Variants in CPNE8 observed in about 807,000 individuals in gnomAD.
The protein encoded by CPNE8 is copine 8, also known as copine-8.
CPNE8 carries 45 observed loss-of-function variants against 81.5 expected under a neutral mutation model. The ratio of observed to expected loss-of-function variants is 0.55; its 90% CI spans 0.44 to 0.71. CPNE8 has a LOEUF of 0.71. Ranked by LOEUF, CPNE8 falls within the 30% of genes least tolerant of loss-of-function variation. The pLI, the probability that CPNE8 is intolerant of heterozygous loss-of-function variation, is 0.00. For synonymous variants in CPNE8, 252 were observed against 226.3 expected (o/e 1.11, Z -1.02); for missense variants, 594 against 672.1 (o/e 0.88, Z 1.28).
chr12:38,736,384 A>C (rs961323356), intron 10 of CPNE8, among the ~76,000 whole-genome samples: 3 of 151,846 alleles, frequency 2.0e-5, no homozygotes, highest in African/African-American at 7.2e-5. Context: ...ACATTTTCTA[A>C]GATGAAGATA....
intron 1 of CPNE8, 23 bp from the exon 2 acceptor site, chr12:38,874,534 T>C (rs1366588809): frequency 6.3e-7 from 1 of 1,579,012 alleles, no homozygotes; most frequent in Non-Finnish European, 8.7e-7. Flanking sequence ...ACAGAAAATG[T>C]TAGCTGGATA....
At chr12:38,824,704 T>G (rs1457314255) in intron 6 of CPNE8, among the ~76,000 whole-genome samples, 8 of 152,064 alleles carry the variant, frequency 5.3e-5, no homozygotes, top group African/African-American at 1.7e-4. Context: ...ATAAATAACA[T>G]TTGGGACACA....
chr12:38,674,716 A>G (rs558952849), intron 18 of CPNE8, among the ~76,000 whole-genome samples: 1 of 152,302 alleles, frequency 6.6e-6, no homozygotes, highest in Admixed American at 6.5e-5. Flanking sequence ...TAGGGATTCC[A>G]GGGTCAGCAA....
chr12:38,700,924 T>C (rs949273398), intron 14 of CPNE8, among the ~76,000 whole-genome samples: 1 of 152,208 alleles, frequency 6.6e-6, no homozygotes, highest in African/African-American at 2.4e-5. Flanking sequence ...GAGGCCTCCC[T>C]AGCCATGTAG....
chr12:38,807,780 C>G (rs1335045886), intron 6 of CPNE8, among the ~76,000 whole-genome samples: 1 of 151,628 alleles, frequency 6.6e-6, no homozygotes, highest in Non-Finnish European at 1.5e-5. Flanking sequence ...AGAGCTTCTG[C>G]ACAGCAAAAG....
intron 13 of CPNE8, among the ~76,000 whole-genome samples, chr12:38,713,393 T>G (rs1940309811): frequency 6.6e-6 from 1 of 152,140 alleles, no homozygotes; most frequent in African/African-American, 2.4e-5. Flanking sequence ...GATATAGAGT[T>G]CAGCTGAGAC....
intron 5 of CPNE8, among the ~76,000 whole-genome samples, chr12:38,832,577 AG>A (rs1943305650): frequency 6.6e-6 from 1 of 152,218 alleles, no homozygotes; most frequent in African/African-American, 2.4e-5. Flanking sequence ...GTAAGGCTAT[AG>A]AAGACCTCGG....
intron 6 of CPNE8, among the ~76,000 whole-genome samples, chr12:38,799,210 C>A (rs183715100): frequency 2.0e-5 from 3 of 152,252 alleles, no homozygotes; most frequent in Admixed American, 2.0e-4. Context: ...TAATAGACAT[C>A]TACAGAACTC....
At chr12:38,839,814 A>T in intron 5 of CPNE8, 102 bp downstream of exon 5, 1 of 1,050,480 alleles carries the variant, frequency 9.5e-7, no homozygotes, top group Non-Finnish European at 1.3e-6. Flanking sequence ...CAATCACGTT[A>T]CATGAATAAC....
At chr12:38,864,483 A>G (rs1383022206) in intron 3 of CPNE8, among the ~76,000 whole-genome samples, 1 of 152,152 alleles carries the variant, frequency 6.6e-6, no homozygotes, top group Non-Finnish European at 1.5e-5. Context: ...AAAAAACTAC[A>G]AAGCTCATGC....
intron 6 of CPNE8, among the ~76,000 whole-genome samples, chr12:38,777,174 T>G (rs1941954731): frequency 6.6e-6 from 1 of 151,968 alleles, no homozygotes; most frequent in South Asian, 2.1e-4. Flanking sequence ...GATGTGGAGG[T>G]GGAAGACAGG....
At chr12:38,758,703 T>C (rs2136842714) in intron 10 of CPNE8, among the ~76,000 whole-genome samples, 1 of 152,296 alleles carries the variant, frequency 6.6e-6, no homozygotes, top group Non-Finnish European at 1.5e-5. Flanking sequence ...TAAAAATGCT[T>C]AGAGAATACC....
intron 16 of CPNE8, 92 bp from the exon 17 acceptor site, chr12:38,677,646 A>C (rs1410830563): frequency 1.1e-5 from 8 of 723,804 alleles, no homozygotes; most frequent in Middle Eastern, 2.4e-4. Flanking sequence ...AAACATTTTA[A>C]TCTCAATAAA....
intron 5 of CPNE8, among the ~76,000 whole-genome samples, chr12:38,836,335 G>C (rs905926680): frequency 6.6e-6 from 1 of 152,040 alleles, no homozygotes; most frequent in African/African-American, 2.4e-5. Flanking sequence ...ACCACAAATA[G>C]AATCAATTAA....
chr12:38,899,942 T>TA (rs1944435411), intron 1 of CPNE8, among the ~76,000 whole-genome samples: 1 of 151,940 alleles, frequency 6.6e-6, no homozygotes, highest in Non-Finnish European at 1.5e-5. Flanking sequence ...CACACAGATT[T>TA]AAAAAATAGA....
intron 6 of CPNE8, among the ~76,000 whole-genome samples, chr12:38,819,595 G>A (rs147808233): frequency 0.063 from 9,502 of 151,594 alleles, 989 homozygotes; most frequent in African/African-American, 0.22. Context: ...GTGAAACCCT[G>A]TCTCTACTAA....
intron 10 of CPNE8, among the ~76,000 whole-genome samples, chr12:38,754,251 A>G (rs999085713): frequency 4.6e-5 from 7 of 152,220 alleles, no homozygotes; most frequent in African/African-American, 1.7e-4. Context: ...CTGCACAGTG[A>G]AACTGGCTGA....
chr12:38,748,222 G>GCACCAGC (rs1249392572), intron 10 of CPNE8, among the ~76,000 whole-genome samples: 1 of 151,766 alleles, frequency 6.6e-6, no homozygotes, highest in African/African-American at 2.4e-5. Context: ...TATTGGCCAG[G>GCACCAGC]CTGGTCTCCA....
chr12:38,878,098 T>C (rs1944094095), intron 1 of CPNE8, among the ~76,000 whole-genome samples: 1 of 152,188 alleles, frequency 6.6e-6, no homozygotes, highest in East Asian at 1.9e-4. Flanking sequence ...CTATATGTTC[T>C]AAAAAGGGAA....
Sources: allele counts gnomAD v4.1 joint callset (sites outside exome capture counted in the v4.1 genomes callset), GRCh38; gene constraint gnomAD v4.1.1; transcripts MANE v1.5; gene names NCBI Gene and HGNC (gene_info 2026-07-23, HGNC 2026-07-21).